PDE6D: variants seen among roughly 807,000 people sequenced by gnomAD.
PDE6D encodes the protein retinal rod rhodopsin-sensitive cGMP 3',5'-cyclic phosphodiesterase subunit delta.
Under a neutral mutation model 21.9 loss-of-function variants are expected in PDE6D, and 10 were observed. That is an observed-to-expected ratio of 0.46 (90% confidence interval 0.28 to 0.78). PDE6D has a LOEUF of 0.78. PDE6D is among the 30% of genes least tolerant of loss of function. The pLI is 0.12. For synonymous variants in PDE6D, 59 were observed against 63.5 expected (o/e 0.93, Z 0.34); for missense variants, 139 against 184.8 (o/e 0.75, Z 1.44).
At chr2:231,767,680 T>G (rs2048983058) in intron 1 of PDE6D, among the ~76,000 whole-genome samples, 1 of 152,142 alleles carries the variant, frequency 6.6e-6, no homozygotes, top group South Asian at 2.1e-4. Context: ...TGATTTCCAT[T>G]ATTTAATGAA....
At chr2:231,753,996 C>T (rs540592598) in intron 1 of PDE6D, among the ~76,000 whole-genome samples, 9 of 152,308 alleles carry the variant, frequency 5.9e-5, no homozygotes, top group African/African-American at 1.7e-4. Context: ...ACACTCTTGT[C>T]TGAAGCTTCT....
chr2:231,776,589 T>C (rs1323429777), intron 1 of PDE6D, among the ~76,000 whole-genome samples: 4 of 152,212 alleles, frequency 2.6e-5, no homozygotes, highest in African/African-American at 9.7e-5. Flanking sequence ...AAAAAATGCA[T>C]TGCTTTTGAA....
At position 231,739,234 on chromosome 2, in the gene PDE6D, C is replaced by A. The variant is rs932529058; in HGVS notation, c.51-46G>T. 5 of 1,180,434 alleles carry A rather than the reference C, an allele frequency of 4.2e-6. No individual in the cohort carries two copies. In the African/African-American group the frequency reaches 7.5e-5, roughly 18 times the overall value. 73.1% of individuals were successfully genotyped at this position (1,180,434 alleles called of 1,614,324 possible). ...AAAAATAAGGCACTGAAAGTGACTC[C>A]CACTTTGTATTCTAGGTGTCTCATG... On this transcript the variant is annotated intron_variant, in intron 1 of 4. Transcript: ENST00000287600. This position sits in a 1 kb window ranked among gnomAD's most constrained non-coding sequence, Gnocchi z 4.2.
intron 1 of PDE6D, among the ~76,000 whole-genome samples, chr2:231,777,407 C>T (rs1160278640): frequency 6.6e-6 from 1 of 151,850 alleles, no homozygotes; most frequent in East Asian, 1.9e-4. Context: ...TGGCCTTGAG[C>T]AATCCTCCCA....
intron 1 of PDE6D, among the ~76,000 whole-genome samples, chr2:231,767,823 T>C (rs868840068): frequency 1.3e-5 from 2 of 152,018 alleles, no homozygotes; most frequent in South Asian, 2.1e-4. Context: ...GATTATACTT[T>C]GTTTCTTTAA....
At chr2:231,768,254 G>A (rs2048988189) in intron 1 of PDE6D, among the ~76,000 whole-genome samples, 1 of 152,126 alleles carries the variant, frequency 6.6e-6, no homozygotes, top group African/African-American at 2.4e-5. Context: ...CCAAGAATTT[G>A]TTTGGTCCTC....
intron 1 of PDE6D, among the ~76,000 whole-genome samples, chr2:231,749,622 C>T (rs1178475672): frequency 1.3e-5 from 2 of 151,772 alleles, no homozygotes; most frequent in Admixed American, 1.3e-4. Flanking sequence ...ATCTCTGCCT[C>T]CCGGGTTCAA....
At chr2:231,738,935 A>AG (rs1254589236) in intron 2 of PDE6D, among the ~76,000 whole-genome samples, 165 bp downstream of exon 2, 9 of 151,626 alleles carry the variant, frequency 5.9e-5, no homozygotes, top group Non-Finnish European at 1.3e-4. Flanking sequence ...AAAAAAAAAA[A>AG]AAAAAAAAAG....
chr2:231,770,703 A>G (rs2049008079), intron 1 of PDE6D, among the ~76,000 whole-genome samples: 3 of 152,184 alleles, frequency 2.0e-5, no homozygotes, highest in Admixed American at 2.0e-4. Context: ...CTGTAATCCC[A>G]GCACTTTGGG....
At chr2:231,762,008 G>A (rs889514553) in intron 1 of PDE6D, among the ~76,000 whole-genome samples, 13 of 152,156 alleles carry the variant, frequency 8.5e-5, no homozygotes, top group African/African-American at 2.4e-4. Flanking sequence ...GGGTGAGAAA[G>A]GCAAGCAGAC....
rs577335892 is a variant in PDE6D, at chr2:231,780,926, A to T, written c.50+139T>A. 179 of 751,616 alleles carry T rather than the reference A, an allele frequency of 2.4e-4. 5 individuals carry two copies. The highest frequency in any genetic ancestry group is 2.2e-3 in the South Asian group (128 of 57,660). The allele number at this position is 751,616 out of a possible 1,614,324, so 46.6% of individuals were successfully genotyped here. On this transcript the variant is annotated intron_variant, in intron 1 of 4. Coordinates refer to ENST00000287600, the MANE Select transcript of PDE6D (RefSeq NM_002601.4). ...CGCCGGGTCCCGCCGGGTGCTCGGCACGCTGTTCCTTTCCTCTCCCCTCCC... is the reference window on the plus strand; with the variant it reads ...CGCCGGGTCCCGCCGGGTGCTCGGCTCGCTGTTCCTTTCCTCTCCCCTCCC...
At chr2:231,767,061 G>A (rs1375567337) in intron 1 of PDE6D, among the ~76,000 whole-genome samples, 1 of 151,318 alleles carries the variant, frequency 6.6e-6, no homozygotes, top group Non-Finnish European at 1.5e-5. Context: ...TCATCTGGGG[G>A]TTTCTTCTGT....
intron 1 of PDE6D, among the ~76,000 whole-genome samples, chr2:231,748,460 T>C (rs2048811541): frequency 6.6e-6 from 1 of 152,184 alleles, no homozygotes; most frequent in African/African-American, 2.4e-5. Flanking sequence ...TTGGGTGCTG[T>C]TAAAGGCATT....
At chr2:231,754,704 G>A (rs1380114730) in intron 1 of PDE6D, among the ~76,000 whole-genome samples, 2 of 149,916 alleles carry the variant, frequency 1.3e-5, no homozygotes, top group East Asian at 2.0e-4. Flanking sequence ...GTATGAGAAT[G>A]CCATTAATGC....
chr2:231,761,555 G>C (rs1211216661), intron 1 of PDE6D, among the ~76,000 whole-genome samples: 2 of 152,160 alleles, frequency 1.3e-5, no homozygotes, highest in Non-Finnish European at 2.9e-5. Flanking sequence ...ATTTCTCAGG[G>C]CTAGCTTTCT....
At chr2:231,771,239 G>T (rs1382020243) in intron 1 of PDE6D, among the ~76,000 whole-genome samples, 1 of 152,090 alleles carries the variant, frequency 6.6e-6, no homozygotes, top group East Asian at 1.9e-4. Context: ...AAAGTGCTGG[G>T]ATTACAGGCG....
intron 1 of PDE6D, 112 bp downstream of exon 1, chr2:231,780,953 C>A: frequency 1.1e-6 from 1 of 943,690 alleles, no homozygotes; most frequent in Non-Finnish European, 1.7e-6. Flanking sequence ...TCCCCTCCCG[C>A]GGCCCTTCTT....
chr2:231,740,639 C>T (rs142443842), intron 1 of PDE6D, among the ~76,000 whole-genome samples: 12 of 140,252 alleles, frequency 8.6e-5, no homozygotes, highest in African/African-American at 1.1e-4. Context: ...CGAGATCATG[C>T]GACTGCACTC....
intron 1 of PDE6D, among the ~76,000 whole-genome samples, chr2:231,765,659 T>C (rs1356004331): frequency 1.3e-5 from 2 of 152,150 alleles, no homozygotes; most frequent in Non-Finnish European, 2.9e-5. Context: ...GAAAAACCTC[T>C]CCCTTCTCAT....
Sources: gnomAD v4.1 joint callset for allele counts (sites outside exome capture counted in the v4.1 genomes callset) on GRCh38, gnomAD v4.1.1 for gene constraint, Gnocchi (gnomAD v3.1) non-coding constraint, MANE v1.5 for transcripts, NCBI Gene and HGNC (gene_info 2026-07-23, HGNC 2026-07-21) for gene names.